Variants in LARP1 observed in about 807,000 individuals in gnomAD.
LARP1 encodes the protein la-related protein 1.
A neutral mutation model predicts 122.7 loss-of-function variants in LARP1; 36 were observed. The observed-to-expected ratio is 0.29, with a 90% CI of 0.22 to 0.39. LARP1 has a LOEUF of 0.39. LARP1 is among the 10% of genes least tolerant of loss of function. The probability of loss-of-function intolerance (pLI) is 1.00; values close to 1 mark genes in which losing one functional copy is unlikely to be tolerated. For missense variants in LARP1, 1,040 were observed against 1,403.6 expected (o/e 0.74, Z 4.14); for synonymous variants, 539 against 528.7 (o/e 1.02, Z -0.27).
intron 1 of LARP1, among the ~76,000 whole-genome samples, chr5:154,692,940 T>A (rs1464231956): frequency 6.6e-6 from 1 of 151,864 alleles, no homozygotes; most frequent in African/African-American, 2.4e-5. Context: ...CCCTAGTAGC[T>A]AGGGACTACA....
At chr5:154,800,454 G>T (rs1758257878) in intron 10 of LARP1, among the ~76,000 whole-genome samples, 1 of 152,168 alleles carries the variant, frequency 6.6e-6, no homozygotes, top group African/African-American at 2.4e-5. Context: ...AGAAGGAAGG[G>T]AGAGGGAGCA....
At chr5:154,761,608 G>A (rs1754453323) in intron 1 of LARP1, among the ~76,000 whole-genome samples, 1 of 152,174 alleles carries the variant, frequency 6.6e-6, no homozygotes, top group Non-Finnish European at 1.5e-5. Flanking sequence ...GGTTCAGCAG[G>A]TGCCTCAGTC....
In LARP1 at chr5:154,803,233, A is replaced by G. The variant is rs1189561413; in HGVS notation, c.2110-57A>G. 1 of 1,607,250 alleles carries G rather than the reference A, an allele frequency of 6.2e-7. No homozygotes were observed. The highest frequency in any genetic ancestry group is 1.7e-5 in the Admixed American group (1 of 59,810). On this transcript the variant is annotated intron_variant, in intron 11 of 18. Coordinates refer to ENST00000518297, the MANE Select transcript of LARP1 (RefSeq NM_033551.3). This position sits in a 1 kb window ranked among gnomAD's most constrained non-coding sequence, Gnocchi z 4.4. ...TCCTGCCAGTCTTGATTCCTTAAAC[A>G]GGCTAGAGCAGCCTGCTTACTTACA...
intron 8 of LARP1, among the ~76,000 whole-genome samples, chr5:154,798,100 A>G (rs947522751): frequency 6.6e-6 from 1 of 152,348 alleles, no homozygotes; most frequent in African/African-American, 2.4e-5. Flanking sequence ...TATATATATT[A>G]GTTTTATTTT....
At chr5:154,784,727 G>A (rs1756748729) in intron 1 of LARP1, among the ~76,000 whole-genome samples, 1 of 152,176 alleles carries the variant, frequency 6.6e-6, no homozygotes, top group Admixed American at 6.6e-5. Context: ...GTGACCTGAT[G>A]AGTTTGAATC....
At chr5:154,747,741 G>A (rs1753275347) in intron 1 of LARP1, among the ~76,000 whole-genome samples, 1 of 151,822 alleles carries the variant, frequency 6.6e-6, no homozygotes, top group African/African-American at 2.4e-5. Context: ...ACGCATGCCT[G>A]TAATCCCAGC....
chr5:154,747,688 GA>G (rs1753271870), intron 1 of LARP1, among the ~76,000 whole-genome samples: 1 of 151,312 alleles, frequency 6.6e-6, no homozygotes, highest in African/African-American at 2.4e-5. Context: ...CAACAAAAGC[GA>G]AAATCCGTCT....
intron 1 of LARP1, among the ~76,000 whole-genome samples, chr5:154,702,413 G>A (rs564916453): frequency 2.7e-4 from 41 of 151,932 alleles, no homozygotes; most frequent in Non-Finnish European, 4.9e-4. Context: ...AAAATTTCCC[G>A]GGCGTGGTGG....
chr5:154,735,309 G>A (rs1221086236), intron 1 of LARP1, among the ~76,000 whole-genome samples: 2 of 152,072 alleles, frequency 1.3e-5, no homozygotes, highest in Non-Finnish European at 1.5e-5. Context: ...ACAAACATTA[G>A]CCAGGCGTGA....
chr5:154,800,905 A>C (rs1012956216), intron 10 of LARP1, among the ~76,000 whole-genome samples: 1 of 152,182 alleles, frequency 6.6e-6, no homozygotes, highest in Non-Finnish European at 1.5e-5. Flanking sequence ...TCAGCCCTCA[A>C]AAAGTGTTGG....
chr5:154,743,338 C>T (rs553157652), intron 1 of LARP1, among the ~76,000 whole-genome samples: 89 of 145,746 alleles, frequency 6.1e-4, no homozygotes, highest in South Asian at 2.1e-3. Flanking sequence ...AATGGAATTT[C>T]GCTCTTGTTG....
chr5:154,721,296 A>T (rs894303756), intron 1 of LARP1, among the ~76,000 whole-genome samples: 2 of 150,610 alleles, frequency 1.3e-5, no homozygotes, highest in Admixed American at 6.7e-5. Flanking sequence ...GCAGTGAGCT[A>T]TGATAGCACC....
At chr5:154,692,097 G>A (rs769435685) in intron 1 of LARP1, among the ~76,000 whole-genome samples, 1 of 152,152 alleles carries the variant, frequency 6.6e-6, no homozygotes, top group African/African-American at 2.4e-5. Flanking sequence ...CAGCCCTGCT[G>A]GTCCCTTTCG....
intron 1 of LARP1, among the ~76,000 whole-genome samples, chr5:154,787,860 C>A (rs551234336): frequency 2.0e-5 from 3 of 152,336 alleles, no homozygotes; most frequent in Admixed American, 6.5e-5. Context: ...ACTAGGGAAT[C>A]AGTGAGGTCT....
At chr5:154,799,488 T>G in intron 8 of LARP1, 103 bp from the exon 9 acceptor site, 1 of 1,163,214 alleles carries the variant, frequency 8.6e-7, no homozygotes, top group Non-Finnish European at 1.3e-6. Context: ...CTGGTAGCAT[T>G]GGACTCATAC....
intron 1 of LARP1, among the ~76,000 whole-genome samples, chr5:154,716,533 C>T (rs1755519051): frequency 6.6e-6 from 1 of 152,188 alleles, no homozygotes; most frequent in Non-Finnish European, 1.5e-5. Flanking sequence ...ACTGCAACCT[C>T]CACATCCAGG....
At chr5:154,696,593 A>C (rs1217809765) in intron 1 of LARP1, among the ~76,000 whole-genome samples, 1 of 152,216 alleles carries the variant, frequency 6.6e-6, no homozygotes, top group African/African-American at 2.4e-5. Context: ...AGAAAATACT[A>C]GTCTCATTTT....
Position 154,808,517 on chromosome 5 carries a change from G to T in LARP1, c.2757G>T (p.Trp919Cys), listed in dbSNP as rs776635107. The change falls in exon 16 of 19, where the codon TGG becomes TGT. Residue 919 changes from tryptophan to cysteine, a missense_variant. This residue lies in a region of LARP1 where 59 missense variants were observed against 137.2 expected (regional missense o/e 0.43). Transcript: ENST00000518297. ...AGATGAACACACTCTTCCGCTTCTG[G>T]TCCTTCTTCCTCCGAGATCACTTCA... is the stretch of plus-strand genomic sequence containing the variant. ...SQEMNTLFRF[W>C]SFFLRDHFNK... The T allele has an allele frequency of 1.2e-6, 2 of 1,613,968 alleles. No homozygotes were observed. Among genetic ancestry groups the T allele is most frequent in the Non-Finnish European group, 1.7e-6 (2 of 1,180,014 alleles).
chr5:154,765,758 C>T (rs1029405619), intron 1 of LARP1, among the ~76,000 whole-genome samples: 1 of 152,158 alleles, frequency 6.6e-6, no homozygotes, highest in African/African-American at 2.4e-5. Context: ...CGTTTGTATT[C>T]CCAGTACCTG....
Sources: allele counts gnomAD v4.1 joint callset (sites outside exome capture counted in the v4.1 genomes callset), GRCh38; gene constraint gnomAD v4.1.1; regional missense constraint gnomAD v4.1.1; non-coding constraint Gnocchi (gnomAD v3.1); transcripts MANE v1.5; gene names NCBI Gene and HGNC (gene_info 2026-07-23, HGNC 2026-07-21).